The following FBLN1 variants were observed in gnomAD, a reference collection of about 807,000 sequenced individuals.
FBLN1 encodes fibulin-1.
Under a neutral mutation model 89.7 loss-of-function variants are expected in FBLN1, and 34 were observed. The ratio of observed to expected loss-of-function variants is 0.38; its 90% CI spans 0.29 to 0.50. The LOEUF (loss-of-function observed/expected upper bound fraction) is 0.50, where lower values mean the gene tolerates loss of function less well. Among genes scored for constraint, FBLN1 ranks in the 20% least tolerant of loss-of-function variants. The pLI is 0.92. For missense variants in FBLN1, 777 were observed against 988.1 expected (o/e 0.79, Z 2.86); for synonymous variants, 393 against 391.3 (o/e 1.00, Z -0.05).
Position 45,590,328 on chromosome 22 carries a change from C to T in FBLN1, c.1973-9979C>T, listed in dbSNP as rs1601543386. On this transcript the variant is annotated intron_variant, in intron 16 of 16. Coordinates refer to ENST00000327858, the MANE Select transcript of FBLN1 (RefSeq NM_006486.3). This position sits in a 1 kb window ranked among gnomAD's most constrained non-coding sequence, Gnocchi z 4.1. ...GGACTTGGCCCCTCTGGTGTGCCCACGTCTTTGAGTGAAGTTGGCAAGACT... is the reference window on the plus strand; with the variant it reads ...GGACTTGGCCCCTCTGGTGTGCCCATGTCTTTGAGTGAAGTTGGCAAGACT... Among the ~76,000 whole-genome samples the T allele has an allele frequency of 6.6e-6, 1 of 152,240 alleles. No homozygotes were observed. The highest frequency in any genetic ancestry group is 1.9e-4 in the East Asian group (1 of 5,190).
chr22:45,591,520 A>G lies in FBLN1; in HGVS notation c.1973-8787A>G, dbSNP rs2089136141. On this transcript the variant is annotated intron_variant, in intron 16 of 16. Transcript: ENST00000327858. ...GGAGACCTGCGGAAGGAGCACATTT[A>G]TAACCATCAAGAAATACGGATGATG... Among the ~76,000 whole-genome samples, 4 of 152,302 alleles carry G rather than the reference A, an allele frequency of 2.6e-5. No homozygotes were observed. The South Asian group carries it at 8.3e-4, about 32-fold the overall frequency.
Position 45,590,049 on chromosome 22 carries a change from A to T in FBLN1, c.1973-10258A>T, listed in dbSNP as rs1420908732. Among the ~76,000 whole-genome samples, 2 of 152,156 alleles carry T rather than the reference A, an allele frequency of 1.3e-5. No homozygotes were observed. The highest frequency in any genetic ancestry group is 2.9e-5 in the Non-Finnish European group (2 of 68,018). ...TCTCCCAGTGGCTGAGAGCCCCATG[A>T]AGAGCCAGACCAGGGCCAGGTGATG... On this transcript the variant is annotated intron_variant, in intron 16 of 16. Coordinates refer to ENST00000327858, the MANE Select transcript of FBLN1 (RefSeq NM_006486.3). This position sits in a 1 kb window ranked among gnomAD's most constrained non-coding sequence, Gnocchi z 4.1.
chr22:45,574,377 C>T lies in FBLN1; in HGVS notation c.1698-134C>T, dbSNP rs2088975487. Reference sequence around the variant, plus strand: ...GCAGCCAGGCTGCAGAGACCACTGTCGTTCTCTGATGGAGCTGTCTCTGGG... The same window carrying T: ...GCAGCCAGGCTGCAGAGACCACTGTTGTTCTCTGATGGAGCTGTCTCTGGG... On this transcript the variant is annotated intron_variant, in intron 14 of 16. Coordinates refer to ENST00000327858, the MANE Select transcript of FBLN1 (RefSeq NM_006486.3). This position sits in a 1 kb window ranked among gnomAD's most constrained non-coding sequence, Gnocchi z 4.1. 1.2e-5 allele frequency: 11 copies of T among 927,258 alleles called. No individual in the cohort carries two copies. Among genetic ancestry groups the T allele is most frequent in the Middle Eastern group, 2.2e-4 (1 of 4,610 alleles). 57.4% of individuals were successfully genotyped at this position (927,258 alleles called of 1,614,324 possible).
Position 45,588,538 on chromosome 22 carries a change from G to A in FBLN1, c.1972+11430G>A, listed in dbSNP as rs1001039891. Among the ~76,000 whole-genome samples, 1 of 152,048 alleles carries A rather than the reference G, an allele frequency of 6.6e-6. No individual in the cohort carries two copies. The highest frequency in any genetic ancestry group is 2.4e-5 in the African/African-American group (1 of 41,390). On this transcript the variant is annotated intron_variant, in intron 16 of 16. Coordinates refer to ENST00000327858, the MANE Select transcript of FBLN1 (RefSeq NM_006486.3). This position sits in a 1 kb window ranked among gnomAD's most constrained non-coding sequence, Gnocchi z 5.1. ...ACACACAGAACAGATGCACCCACTG[G>A]GGTCACCCCAACCCAGCCCCCAGCA...
chr22:45,550,212 C>T lies in FBLN1; in HGVS notation c.1574-280C>T, dbSNP rs1019951302. 1.3e-5 allele frequency among the ~76,000 whole-genome samples: 2 copies of T among 152,198 alleles called. No homozygotes were observed. The highest frequency in any genetic ancestry group is 2.9e-5 in the Non-Finnish European group (2 of 68,030). ...AGGAGGATTCAGTGACTTATCCTTG[C>T]GAGGTACTCCCAGGACCCATCATGT... On this transcript the variant is annotated intron_variant, in intron 13 of 16. Coordinates refer to ENST00000327858, the MANE Select transcript of FBLN1 (RefSeq NM_006486.3). This position sits in a 1 kb window ranked among gnomAD's most constrained non-coding sequence, Gnocchi z 8.4.
chr22:45,563,975 G>A lies in FBLN1; in HGVS notation c.1698-10536G>A, dbSNP rs758451878. On this transcript the variant is annotated intron_variant, in intron 14 of 16. Transcript: ENST00000327858. This position sits in a 1 kb window ranked among gnomAD's most constrained non-coding sequence, Gnocchi z 5.7. ...CCACTGAGGATCCTGGCCCTGTGCC[G>A]GGGGGAGGCAAAGGACCACACAATA... is the stretch of plus-strand genomic sequence containing the variant. Among the ~76,000 whole-genome samples, 9 of 152,158 alleles carry A rather than the reference G, an allele frequency of 5.9e-5. No homozygotes were observed. Among genetic ancestry groups the A allele is most frequent in the East Asian group, 5.8e-4 (3 of 5,188 alleles).
chr22:45,571,775 A>G (rs1254772070), intron 14 of FBLN1, among the ~76,000 whole-genome samples: 2 of 152,316 alleles, frequency 1.3e-5, no homozygotes, highest in South Asian at 4.2e-4. Flanking sequence ...AACAATGACC[A>G]ACCCCCTAGC....
intron 1 of FBLN1, among the ~76,000 whole-genome samples, chr22:45,518,310 G>A (rs2146949936): frequency 6.6e-6 from 1 of 152,240 alleles, no homozygotes; most frequent in African/African-American, 2.4e-5. Context: ...ATCAGGGGCT[G>A]TCTTTCTTGC....
intron 10 of FBLN1, among the ~76,000 whole-genome samples, chr22:45,542,835 G>A (rs2146982488): frequency 6.6e-6 from 1 of 152,360 alleles, no homozygotes; most frequent in Non-Finnish European, 1.5e-5. Context: ...AGGACTGGCA[G>A]GAGGGCACAA....
In FBLN1 at chr22:45,562,870, G is replaced by A; in HGVS notation, c.1698-11641G>A. Reference sequence around the variant, plus strand: ...TGCCGTTTCTCCGCTTGCTGGACCGGCCCTAACCCTCTTCTTGTCTCTCTG... The same window carrying A: ...TGCCGTTTCTCCGCTTGCTGGACCGACCCTAACCCTCTTCTTGTCTCTCTG... On this transcript the variant is annotated intron_variant, in intron 14 of 16. Coordinates refer to ENST00000327858, the MANE Select transcript of FBLN1 (RefSeq NM_006486.3). This position sits in a 1 kb window ranked among gnomAD's most constrained non-coding sequence, Gnocchi z 7.8. 6.3e-7 allele frequency: 1 copy of A among 1,591,256 alleles called. No individual in the cohort carries two copies.
intron 14 of FBLN1, among the ~76,000 whole-genome samples, chr22:45,569,984 T>C (rs1191177545): frequency 6.6e-6 from 1 of 152,212 alleles, no homozygotes; most frequent in Non-Finnish European, 1.5e-5. Context: ...ATGAAAATTC[T>C]AATATTCTAT....
At chr22:45,555,692 A>T (rs553451815) in intron 14 of FBLN1, among the ~76,000 whole-genome samples, 1 of 152,194 alleles carries the variant, frequency 6.6e-6, no homozygotes, top group East Asian at 1.9e-4. Flanking sequence ...TCAAGTTGAC[A>T]CTCAGTATTA....
chr22:45,595,918 A>G (rs5764805), intron 16 of FBLN1, among the ~76,000 whole-genome samples: 107,326 of 142,386 alleles, frequency 0.75, 37,678 homozygotes, highest in Admixed American at 0.81. Flanking sequence ...CGCCCAGGCT[A>G]GAGTGCAATG....
intron 14 of FBLN1, chr22:45,565,494 T>G (rs1290863686): frequency 6.1e-6 from 2 of 328,402 alleles, no homozygotes; most frequent in Non-Finnish European, 1.2e-5. Flanking sequence ...ACCTCCTCAG[T>G]GCAGTTAGCC....
At chr22:45,510,303 C>T (rs560766857) in intron 1 of FBLN1, among the ~76,000 whole-genome samples, 10 of 152,220 alleles carry the variant, frequency 6.6e-5, no homozygotes, top group African/African-American at 2.4e-4. Context: ...TTTGCTTTCA[C>T]CCTATTTTGT....
Position 45,546,179 on chromosome 22 carries a change from C to CAAA in FBLN1, c.1322-897_1322-895dup, listed in dbSNP as rs34103756. On this transcript the variant is annotated intron_variant, in intron 11 of 16. Coordinates refer to ENST00000327858, the MANE Select transcript of FBLN1 (RefSeq NM_006486.3). ...TGGGCGACAGACAAAGACTTTGTCTCAAAAAAAAAAAGAGTGAATGTGGCT... is the reference window on the plus strand; with the variant it reads ...TGGGCGACAGACAAAGACTTTGTCTCAAAAAAAAAAAAAAGAGTGAATGTGGCT... Among the ~76,000 whole-genome samples the CAAA allele has an allele frequency of 5.1e-3, 759 of 148,092 alleles. 1 individual carries two copies. Among genetic ancestry groups the CAAA allele is most frequent in the Non-Finnish European group, 5.4e-3 (359 of 66,816 alleles).
Position 45,531,339 on chromosome 22 carries a change from T to A in FBLN1, c.544+15T>A. 4.3e-6 allele frequency: 7 copies of A among 1,612,454 alleles called. No individual in the cohort carries two copies. Among genetic ancestry groups the A allele is most frequent in the Non-Finnish European group, 5.9e-6 (7 of 1,178,686 alleles). ...CCGCTGCCGAGGTGAGACTCGGGCGTCTCCCATCAGTTGGTATTTAAACAA... is the reference window on the plus strand; with the variant it reads ...CCGCTGCCGAGGTGAGACTCGGGCGACTCCCATCAGTTGGTATTTAAACAA... On this transcript the variant is annotated intron_variant, in intron 5 of 16. Coordinates refer to ENST00000327858, the MANE Select transcript of FBLN1 (RefSeq NM_006486.3). The surrounding 1 kb of genome is among the most constrained non-coding windows in gnomAD (Gnocchi z 4.9).
At chr22:45,586,417 T>C (rs1457468475) in intron 16 of FBLN1, among the ~76,000 whole-genome samples, 1 of 152,138 alleles carries the variant, frequency 6.6e-6, no homozygotes, top group African/African-American at 2.4e-5. Context: ...CTTTTTGGTG[T>C]AGCGCAGGTG....
chr22:45,525,724 C>G (rs372586119), intron 3 of FBLN1, 46 bp downstream of exon 3: 1 of 1,550,526 alleles, frequency 6.4e-7, no homozygotes, highest in African/African-American at 1.4e-5. Flanking sequence ...CCCCACTAGT[C>G]GGCAGACCCA....
Sources: allele counts gnomAD v4.1 joint callset (sites outside exome capture counted in the v4.1 genomes callset), GRCh38; gene constraint gnomAD v4.1.1; non-coding constraint Gnocchi (gnomAD v3.1); transcripts MANE v1.5; gene names NCBI Gene and HGNC (gene_info 2026-07-23, HGNC 2026-07-21).